PECAM1: variants seen among roughly 807,000 people sequenced by gnomAD.
PECAM1 encodes platelet endothelial cell adhesion molecule.
In PECAM1, 8 loss-of-function variants were observed where a neutral mutation model predicts 13.8. The observed-to-expected ratio is 0.58, with a 90% CI of 0.34 to 1.05. The LOEUF is 1.05. Ranked by LOEUF, PECAM1 falls within the 50% of genes least tolerant of loss-of-function variation. PECAM1 has a pLI of 0.03. For synonymous variants in PECAM1, 136 were observed against 52.6 expected (o/e 2.58, Z -6.86); for missense variants, 304 against 141.2 (o/e 2.15, Z -5.84).
intron 7 of PECAM1, among the ~76,000 whole-genome samples, chr17:64,359,878 G>A (rs1341149120): frequency 2.6e-5 from 4 of 151,888 alleles, no homozygotes; most frequent in Non-Finnish European, 4.4e-5. Flanking sequence ...TCAGCCTCCC[G>A]AGTGGCTGGG....
intron 14 of PECAM1, among the ~76,000 whole-genome samples, chr17:64,335,997 C>T (rs2035266219): frequency 2.6e-5 from 4 of 152,132 alleles, no homozygotes; most frequent in Non-Finnish European, 5.9e-5. Context: ...GGCGTGGTGT[C>T]TCACACCTGT....
intron 15 of PECAM1, among the ~76,000 whole-genome samples, chr17:64,326,711 A>T (rs1296152783): frequency 1.3e-5 from 2 of 152,164 alleles, no homozygotes; most frequent in Non-Finnish European, 2.9e-5. Context: ...GCTGGGCCAC[A>T]ATCAACAGGG....
At chr17:64,382,765 G>T (rs2036508997) in intron 2 of PECAM1, among the ~76,000 whole-genome samples, 1 of 151,566 alleles carries the variant, frequency 6.6e-6, no homozygotes, top group Admixed American at 6.6e-5. Flanking sequence ...GGCTGGGCGT[G>T]GTGGCTCATG....
chr17:64,342,388 C>T (rs897417269), intron 13 of PECAM1, among the ~76,000 whole-genome samples: 30 of 152,274 alleles, frequency 2.0e-4, no homozygotes, highest in African/African-American at 5.3e-4. Flanking sequence ...GGTCCCTCAA[C>T]GCAGGGTTGG....
intron 5 of PECAM1, among the ~76,000 whole-genome samples, chr17:64,365,802 C>G (rs1222141668): frequency 1.7e-4 from 26 of 151,552 alleles, no homozygotes; most frequent in African/African-American, 6.3e-4. Context: ...CCCTTCCTTA[C>G]ACCTTATACA....
intron 6 of PECAM1, among the ~76,000 whole-genome samples, chr17:64,362,155 A>G (rs1299402589): frequency 5.9e-5 from 9 of 152,214 alleles, no homozygotes; most frequent in African/African-American, 2.2e-4. Flanking sequence ...CAGCATCCAC[A>G]TCACCAAAAT....
intron 15 of PECAM1, among the ~76,000 whole-genome samples, chr17:64,328,080 G>A (rs2035006827): frequency 1.3e-5 from 2 of 152,212 alleles, no homozygotes; most frequent in South Asian, 4.1e-4. Context: ...AGTCATGGGT[G>A]AGCTCTCAGA....
intron 13 of PECAM1, 109 bp downstream of exon 13, chr17:64,348,151 C>T (rs1048419229): frequency 3.3e-5 from 14 of 424,738 alleles, no homozygotes; most frequent in African/African-American, 2.2e-4. Context: ...TCCTTTGGAG[C>T]GACTGAGGGT....
chr17:64,345,905 C>T (rs916246538), intron 13 of PECAM1, among the ~76,000 whole-genome samples: 116 of 152,042 alleles, frequency 7.6e-4, no homozygotes, highest in Non-Finnish European at 1.5e-3. Context: ...CTCTACGGGG[C>T]ATCCCTGTAA....
intron 5 of PECAM1, among the ~76,000 whole-genome samples, chr17:64,366,937 C>G (rs2036121137): frequency 6.9e-6 from 1 of 144,794 alleles, no homozygotes; most frequent in Admixed American, 7.2e-5. Context: ...AACTAACCTG[C>G]ACATTGTGCA....
chr17:64,349,557 C>T (rs2035662947), intron 12 of PECAM1, among the ~76,000 whole-genome samples: 1 of 119,272 alleles, frequency 8.4e-6, no homozygotes. Flanking sequence ...CACCGTACTC[C>T]AGCTTGGGTG....
At chr17:64,348,684 C>CA (rs2035641877) in intron 12 of PECAM1, among the ~76,000 whole-genome samples, 1 of 152,164 alleles carries the variant, frequency 6.6e-6, no homozygotes, top group Admixed American at 6.5e-5. Context: ...GCGATCCGCC[C>CA]ACCTCAGCCT....
At chr17:64,376,930 C>T (rs1033924802) in intron 3 of PECAM1, among the ~76,000 whole-genome samples, 1 of 152,050 alleles carries the variant, frequency 6.6e-6, no homozygotes, top group Non-Finnish European at 1.5e-5. Context: ...GAGCCAAGGT[C>T]GCGCCATTGC....
At chr17:64,338,299 C>T (rs1475514977) in intron 14 of PECAM1, among the ~76,000 whole-genome samples, 1 of 133,704 alleles carries the variant, frequency 7.5e-6, no homozygotes, top group African/African-American at 2.8e-5. Flanking sequence ...AAGCTGGTCT[C>T]AAATTCCTGG....
At position 64,376,028 on chromosome 17, in the gene PECAM1, G is replaced by A. The variant is rs56883890; in HGVS notation, c.386-672C>T. On this transcript the variant is annotated intron_variant, in intron 3 of 15. Coordinates refer to ENST00000563924, the MANE Select transcript of PECAM1 (RefSeq NM_000442.5). ...CCACCAAAATCACCACTAAGGCCAC[G>A]CGAGGTGGCTCACATCTGTAATCTC... Among the ~76,000 whole-genome samples, 464 of 152,178 alleles carry A rather than the reference G, an allele frequency of 3.0e-3. 11 individuals are homozygous for A. In the East Asian group the frequency reaches 0.05, roughly 16 times the overall value.
At position 64,323,135 on chromosome 17, in the gene PECAM1, A is replaced by T; in HGVS notation, c.*681T>A. The T allele has an allele frequency of 1.0e-6, 1 of 985,774 alleles. No individual in the cohort carries two copies. Among genetic ancestry groups the T allele is most frequent in the Non-Finnish European group, 1.2e-6 (1 of 830,172 alleles). 61.1% of individuals were successfully genotyped at this position (985,774 alleles called of 1,614,324 possible). A position where few individuals can be genotyped will look rare whatever the true frequency, so the allele number is the denominator to read the frequency against. Reference sequence around the variant, plus strand: ...TTCAGCATGGTAGAGGAAAAGAGAAAGAGTGTAGACAAAAACAGTTGAAGA... The same window carrying T: ...TTCAGCATGGTAGAGGAAAAGAGAATGAGTGTAGACAAAAACAGTTGAAGA... On this transcript the variant is annotated 3_prime_UTR_variant, in exon 16 of 16. Coordinates refer to ENST00000563924, the MANE Select transcript of PECAM1 (RefSeq NM_000442.5).
rs945710584 is a variant in PECAM1, at chr17:64,362,517, T to A, written c.1216+632A>T. 2.7e-3 allele frequency among the ~76,000 whole-genome samples: 409 copies of A among 152,180 alleles called. 2 individuals are homozygous for A. Among genetic ancestry groups the A allele is most frequent in the African/African-American group, 9.5e-3 (394 of 41,536 alleles). ...ACAAAAAAATATTATCCGGGCGTGG[T>A]TGCGGGTGCCTGTAGTCCCAGCTAC... On this transcript the variant is annotated intron_variant, in intron 6 of 15. Transcript: ENST00000563924.
In PECAM1 at chr17:64,323,004, C is replaced by A. The variant is rs539214192; in HGVS notation, c.*812G>T. On this transcript the variant is annotated 3_prime_UTR_variant, in exon 16 of 16. Transcript: ENST00000563924. ...TTACAGGCGTGAGCCACCTTGCCTG[C>A]CCTGGCAAGGAATACATTTTTAAAA... The A allele has an allele frequency of 2.1e-6, 2 of 975,076 alleles. No individual in the cohort carries two copies. The highest frequency in any genetic ancestry group is 9.5e-5 in the South Asian group (2 of 21,046). The allele number at this position is 975,076 out of a possible 1,614,324, so 60.4% of individuals were successfully genotyped here. A position where few individuals can be genotyped will look rare whatever the true frequency, so the allele number is the denominator to read the frequency against.
At position 64,347,387 on chromosome 17, in the gene PECAM1, C is replaced by T. The variant is rs1011704363; in HGVS notation, c.2107+873G>A. Among the ~76,000 whole-genome samples, 9 of 150,422 alleles carry T rather than the reference C, an allele frequency of 6.0e-5. No individual in the cohort carries two copies. In the East Asian group the frequency reaches 9.9e-4, roughly 17 times the overall value. Reference sequence around the variant, plus strand: ...ACAAAAAAAAAATAAATAAATTAGCCGGCTGTGGCGGTGCATGCCTGTAAT... The same window carrying T: ...ACAAAAAAAAAATAAATAAATTAGCTGGCTGTGGCGGTGCATGCCTGTAAT... On this transcript the variant is annotated intron_variant, in intron 13 of 15. Coordinates refer to ENST00000563924, the MANE Select transcript of PECAM1 (RefSeq NM_000442.5).
Sources: allele counts gnomAD v4.1 joint callset (sites outside exome capture counted in the v4.1 genomes callset), GRCh38; gene constraint gnomAD v4.1.1; transcripts MANE v1.5; gene names NCBI Gene and HGNC (gene_info 2026-07-23, HGNC 2026-07-21).